CLEC16A: variants seen among roughly 807,000 people sequenced by gnomAD.
The protein encoded by CLEC16A is protein CLEC16A.
A neutral mutation model predicts 109.5 loss-of-function variants in CLEC16A; 51 were observed. The ratio of observed to expected loss-of-function variants is 0.47; its 90% CI spans 0.37 to 0.59. The LOEUF (loss-of-function observed/expected upper bound fraction) is 0.59, where lower values mean the gene tolerates loss of function less well. CLEC16A is among the 20% of genes least tolerant of loss of function. The pLI, the probability that CLEC16A is intolerant of heterozygous loss-of-function variation, is 0.00. For synonymous variants in CLEC16A, 673 were observed against 564.2 expected (o/e 1.19, Z -2.73); for missense variants, 1,339 against 1,394.0 (o/e 0.96, Z 0.63).
chr16:11,126,390 C>A (rs553191607), intron 22 of CLEC16A: 2 of 1,437,268 alleles, frequency 1.4e-6, no homozygotes, highest in Non-Finnish European at 1.8e-6. Flanking sequence ...TGTGGAAGAA[C>A]TTCTCAGAAT....
At position 11,178,334 on chromosome 16, in the gene CLEC16A, G is replaced by A; in HGVS notation, c.2807-1G>A. 1 of 1,601,450 alleles carries A rather than the reference G, an allele frequency of 6.2e-7. No individual in the cohort carries two copies. Among genetic ancestry groups the A allele is most frequent in the Non-Finnish European group, 8.5e-7 (1 of 1,170,426 alleles). ...TTTCCGGTTTTTCTCCCCCAATCCA[G>A]ATGCCCCCATGAGTCCAGAACTGCC... On this transcript the variant is annotated splice_acceptor_variant, in intron 23 of 23. Transcript: ENST00000409790. LOFTEE classifies it high-confidence loss of function. The surrounding 1 kb of genome is among the most constrained non-coding windows in gnomAD (Gnocchi z 6.5).
At chr16:11,117,462 A>G (rs115216955) in intron 19 of CLEC16A, among the ~76,000 whole-genome samples, 1,549 of 152,326 alleles carry the variant, frequency 0.01, 24 homozygotes, top group African/African-American at 0.035. Context: ...AACTCTTGGT[A>G]ATAACATTTT....
intron 11 of CLEC16A, among the ~76,000 whole-genome samples, chr16:11,008,369 A>G (rs1013925358): frequency 2.0e-5 from 3 of 152,218 alleles, no homozygotes; most frequent in Non-Finnish European, 4.4e-5. Context: ...ACCAAATACT[A>G]ATCAGATTCG....
chr16:11,071,441 G>A (rs1253682667), intron 19 of CLEC16A, among the ~76,000 whole-genome samples: 2 of 152,090 alleles, frequency 1.3e-5, no homozygotes, highest in African/African-American at 4.8e-5. Context: ...GAGGGGTACT[G>A]TTTCTAGATA....
In CLEC16A at chr16:11,091,815, AC is replaced by A. The variant is rs1435112697; in HGVS notation, c.2117-28797del. On this transcript the variant is annotated intron_variant, in intron 19 of 23. Transcript: ENST00000409790. ...AGATGATCTGCTAGGCTTTCTGGTA[AC>A]CCACGGGTAGCTGAACTTGATGCCT... Among the ~76,000 whole-genome samples the A allele has an allele frequency of 2.0e-5, 3 of 152,098 alleles. No individual in the cohort carries two copies. In the East Asian group the frequency reaches 5.8e-4, roughly 29 times the overall value.
chr16:11,030,709 A>G (rs973615855), intron 13 of CLEC16A, among the ~76,000 whole-genome samples: 3 of 152,254 alleles, frequency 2.0e-5, no homozygotes, highest in Admixed American at 6.5e-5. Flanking sequence ...CAATGGTGCA[A>G]TCTTGGCTCG....
chr16:11,147,279 G>A (rs946954479), intron 22 of CLEC16A, among the ~76,000 whole-genome samples: 1 of 152,188 alleles, frequency 6.6e-6, no homozygotes, highest in Non-Finnish European at 1.5e-5. Flanking sequence ...TGTATCCCAG[G>A]TAGATATTCA....
intron 9 of CLEC16A, among the ~76,000 whole-genome samples, chr16:10,980,145 C>G (rs1021553218): frequency 1.3e-5 from 2 of 152,216 alleles, no homozygotes; most frequent in African/African-American, 4.8e-5. Context: ...AACTGTCCTT[C>G]TGACTTGATC....
At chr16:10,982,847 A>G (rs1388821369) in intron 9 of CLEC16A, 31 bp from the exon 10 acceptor site, 2 of 1,315,500 alleles carry the variant, frequency 1.5e-6, no homozygotes, top group South Asian at 2.4e-5. Context: ...GCACACTTTC[A>G]TGCAAATCCC....
chr16:10,991,098 CAG>C (rs2043979040), intron 10 of CLEC16A, among the ~76,000 whole-genome samples: 1 of 151,954 alleles, frequency 6.6e-6, no homozygotes, highest in Admixed American at 6.6e-5. Flanking sequence ...TGCAGAGAGA[CAG>C]AGGAACAATA....
chr16:11,143,255 C>A (rs760982371), intron 22 of CLEC16A, among the ~76,000 whole-genome samples: 1 of 152,166 alleles, frequency 6.6e-6, no homozygotes, highest in African/African-American at 2.4e-5. Context: ...TAATACAGAG[C>A]CTGGCTGGTC....
At chr16:11,036,544 C>CTTTTTTTTTTTTTTTTTTTTTTTTTTT (rs71404440) in intron 13 of CLEC16A, among the ~76,000 whole-genome samples, 3 of 131,902 alleles carry the variant, frequency 2.3e-5, no homozygotes, top group Admixed American at 7.8e-5. Context: ...TCTAATTTTC[C>CTTTTTTTTTTTTTTTTTTTTTTTTTTT]TTTTTTTTTT....
chr16:11,047,237 G>C, intron 16 of CLEC16A, 55 bp from the exon 17 acceptor site: 2 of 1,487,418 alleles, frequency 1.3e-6, no homozygotes, highest in Non-Finnish European at 1.8e-6. Flanking sequence ...ATACTCTGTT[G>C]TTTATGGAAA....
intron 9 of CLEC16A, among the ~76,000 whole-genome samples, chr16:10,981,440 T>C (rs1363773952): frequency 6.6e-6 from 1 of 152,238 alleles, no homozygotes; most frequent in African/African-American, 2.4e-5. Flanking sequence ...CAGTATTTTT[T>C]TAAAAGATGC....
chr16:11,042,700 C>T (rs908611823), intron 15 of CLEC16A, among the ~76,000 whole-genome samples: 5 of 152,114 alleles, frequency 3.3e-5, no homozygotes, highest in African/African-American at 1.2e-4. Flanking sequence ...CACATACACA[C>T]ATTGATTATG....
chr16:11,041,662 G>C (rs2047342594), intron 14 of CLEC16A: 1 of 152,610 alleles, frequency 6.6e-6, no homozygotes, highest in Non-Finnish European at 1.5e-5. Flanking sequence ...GGAGGTGGCC[G>C]ATATAGATTA....
intron 19 of CLEC16A, among the ~76,000 whole-genome samples, chr16:11,096,885 T>G (rs2050636898): frequency 6.6e-6 from 1 of 152,182 alleles, no homozygotes; most frequent in Non-Finnish European, 1.5e-5. Context: ...GGGAGGGACA[T>G]AATCTAAAGA....
chr16:11,125,548 G>A lies in CLEC16A; in HGVS notation c.2474-431G>A, dbSNP rs61092880. Reference sequence around the variant, plus strand: ...CATGTACATGCACATCCATATTTTCGCATGCTCCTGCACATGTGCGGATAT... The same window carrying A: ...CATGTACATGCACATCCATATTTTCACATGCTCCTGCACATGTGCGGATAT... On this transcript the variant is annotated intron_variant, in intron 21 of 23. Transcript: ENST00000409790. Among the ~76,000 whole-genome samples the A allele has an allele frequency of 1.3e-4, 20 of 152,246 alleles. No homozygotes were observed. The East Asian group carries it at 3.1e-3, about 24-fold the overall frequency.
intron 10 of CLEC16A, among the ~76,000 whole-genome samples, chr16:10,990,542 G>A (rs548162298): frequency 6.1e-4 from 93 of 152,370 alleles, no homozygotes; most frequent in Admixed American, 1.9e-3. Flanking sequence ...GCTAGCCAGA[G>A]AAGGGGCAGG....
Sources: gnomAD v4.1 joint callset for allele counts (sites outside exome capture counted in the v4.1 genomes callset) on GRCh38, gnomAD v4.1.1 for gene constraint, Gnocchi (gnomAD v3.1) non-coding constraint, MANE v1.5 for transcripts, NCBI Gene and HGNC (gene_info 2026-07-23, HGNC 2026-07-21) for gene names.